TNPO2: variants seen among roughly 807,000 people sequenced by gnomAD.
TNPO2 encodes transportin 2.
TNPO2 carries 16 observed loss-of-function variants against 111.1 expected under a neutral mutation model. That is an observed-to-expected ratio of 0.14 (90% CI 0.10 to 0.22). TNPO2 has a LOEUF of 0.22. TNPO2 is among the 10% of genes least tolerant of loss of function. The pLI, the probability that TNPO2 is intolerant of heterozygous loss-of-function variation, is 1.00. For synonymous variants in TNPO2, 481 were observed against 475.8 expected (o/e 1.01, Z -0.14); for missense variants, 530 against 1,173.7 (o/e 0.45, Z 8.01).
At position 12,701,472 on chromosome 19, in the gene TNPO2, T is replaced by C. The variant is rs1181204888; in HGVS notation, c.2587-19A>G. The C allele has an allele frequency of 1.2e-6, 2 of 1,610,366 alleles. No homozygotes were observed. Among genetic ancestry groups the C allele is most frequent in the Non-Finnish European group, 1.7e-6 (2 of 1,176,910 alleles). On this transcript the variant is annotated intron_variant, in intron 24 of 25. Transcript: ENST00000425528. The surrounding 1 kb of genome is among the most constrained non-coding windows in gnomAD (Gnocchi z 5.0). ...GGAGAATCTGTGGGGAGGGTGGTGG[T>C]GAGGGGTAGGCAGGGGCAGAACAAG...
intron 20 of TNPO2, 87 bp from the exon 21 acceptor site, chr19:12,703,005 C>T: frequency 1.7e-6 from 2 of 1,189,144 alleles, no homozygotes; most frequent in African/African-American, 1.5e-5. Context: ...CTACTCGCCC[C>T]AGTTCCAACT....
In TNPO2 at chr19:12,716,139, G is replaced by A. The variant is rs1244903300; in HGVS notation, c.326-400C>T. Among the ~76,000 whole-genome samples the A allele has an allele frequency of 2.6e-5, 4 of 152,142 alleles. No homozygotes were observed. In the East Asian group the frequency reaches 7.7e-4, roughly 29 times the overall value. On this transcript the variant is annotated intron_variant, in intron 5 of 25. Transcript: ENST00000425528. ...TCCTGCCTTGGCCTCCAAAAGCACT[G>A]AGATTACAGGCGTGAGCCACCGCTC...
At chr19:12,710,040 G>A (rs751838886) in intron 13 of TNPO2, among the ~76,000 whole-genome samples, 5 of 152,136 alleles carry the variant, frequency 3.3e-5, no homozygotes, top group Non-Finnish European at 7.4e-5. Flanking sequence ...GACTCACAAA[G>A]CCCTCCTGTA....
At chr19:12,720,087 G>C (rs1340803088) in intron 3 of TNPO2, among the ~76,000 whole-genome samples, 1 of 151,868 alleles carries the variant, frequency 6.6e-6, no homozygotes, top group African/African-American at 2.4e-5. Flanking sequence ...CACGATCTCC[G>C]CTCACTGCAA....
chr19:12,703,184 CAA>C (rs1491469687), intron 20 of TNPO2: 45 of 588,650 alleles, frequency 7.6e-5, no homozygotes, highest in African/African-American at 6.7e-4. Flanking sequence ...AAAAAAAAGC[CAA>C]AGTCACCCAA....
chr19:12,711,770 G>A (rs550105994), intron 10 of TNPO2, among the ~76,000 whole-genome samples, 157 bp from the exon 11 acceptor site: 1 of 152,196 alleles, frequency 6.6e-6, no homozygotes, highest in East Asian at 1.9e-4. Flanking sequence ...ACTGCTAGGT[G>A]CAAATTGATC....
At chr19:12,720,519 C>G (rs2026622269) in intron 3 of TNPO2, among the ~76,000 whole-genome samples, 1 of 152,084 alleles carries the variant, frequency 6.6e-6, no homozygotes, top group Non-Finnish European at 1.5e-5. Context: ...TGGGGTCTCC[C>G]TATGTTGCCC....
At chr19:12,703,610 GTACGAA>G (rs1482331502) in intron 19 of TNPO2, 84 bp from the exon 20 acceptor site, 3 of 1,569,550 alleles carry the variant, frequency 1.9e-6, no homozygotes, top group Non-Finnish European at 1.8e-6. Context: ...CCATCAGACA[GTACGAA>G]TACATCCCAA....
rs1471509629 is a variant in TNPO2 at position 12,709,546 on chromosome 19, C to T, written c.1270+1075G>A. 5.3e-5 allele frequency among the ~76,000 whole-genome samples: 8 copies of T among 151,892 alleles called. No individual in the cohort carries two copies. In the East Asian group the frequency reaches 7.7e-4, roughly 15 times the overall value. ...TGTTCTCCATGCTGGAACGCAGTGG[C>T]GCAATCATGGCTCACTGCAGCCTTG... On this transcript the variant is annotated intron_variant, in intron 13 of 25. Transcript: ENST00000425528.
At position 12,701,512 on chromosome 19, in the gene TNPO2, T is replaced by C. The variant is rs1568330470; in HGVS notation, c.2587-59A>G. The stretch of plus-strand genomic sequence containing the variant: ...GGCAGAACAAGGGGAGTGCGCCTCT[T>C]CCCCCATCCCCAGGCCCCATTGTTA... On this transcript the variant is annotated intron_variant, in intron 24 of 25. Transcript: ENST00000425528. This position sits in a 1 kb window ranked among gnomAD's most constrained non-coding sequence, Gnocchi z 5.0. 10 of 1,592,870 alleles carry C rather than the reference T, an allele frequency of 6.3e-6. No individual in the cohort carries two copies. The highest frequency in any genetic ancestry group is 7.7e-6 in the Non-Finnish European group (9 of 1,161,440).
At chr19:12,704,151 G>T (rs2025487763) in intron 18 of TNPO2, among the ~76,000 whole-genome samples, 2 of 152,222 alleles carry the variant, frequency 1.3e-5, no homozygotes, top group Admixed American at 1.3e-4. Flanking sequence ...CAGATCACTT[G>T]AGGTCAGGAG....
In TNPO2 at chr19:12,721,078, T is replaced by A; in HGVS notation, c.-13-88A>T. On this transcript the variant is annotated intron_variant, in intron 2 of 25. Transcript: ENST00000425528. This position sits in a 1 kb window ranked among gnomAD's most constrained non-coding sequence, Gnocchi z 4.9. Reference sequence around the variant, plus strand: ...AGCCCCTGAGGCCGCGGTGGCCGCATGACGACGGGAACGCCCTCGGCGGAC... The same window carrying A: ...AGCCCCTGAGGCCGCGGTGGCCGCAAGACGACGGGAACGCCCTCGGCGGAC... 6.5e-6 allele frequency: 10 copies of A among 1,531,134 alleles called. No homozygotes were observed. Among genetic ancestry groups the A allele is most frequent in the East Asian group, 2.5e-5 (1 of 40,376 alleles). 94.8% of individuals were successfully genotyped at this position (1,531,134 alleles called of 1,614,324 possible). A position where few individuals can be genotyped will look rare whatever the true frequency, so the allele number is the denominator to read the frequency against.
intron 13 of TNPO2, among the ~76,000 whole-genome samples, chr19:12,707,857 G>A (rs1423889071): frequency 6.6e-6 from 1 of 151,712 alleles, no homozygotes; most frequent in Non-Finnish European, 1.5e-5. Flanking sequence ...GTCTTGCTCT[G>A]TTGCCCAAGC....
chr19:12,707,341 C>T (rs1353235537), intron 13 of TNPO2, among the ~76,000 whole-genome samples: 1 of 152,108 alleles, frequency 6.6e-6, no homozygotes, highest in East Asian at 1.9e-4. Context: ...TGCATTAATT[C>T]ATGTGTTAAT....
At chr19:12,713,278 G>A (rs2026166063) in intron 10 of TNPO2, among the ~76,000 whole-genome samples, 1 of 152,094 alleles carries the variant, frequency 6.6e-6, no homozygotes, top group Admixed American at 6.6e-5. Context: ...AAGTGACAGA[G>A]CCTTCATCAC....
chr19:12,703,571 G>T, intron 19 of TNPO2, 45 bp from the exon 20 acceptor site: 7 of 1,599,570 alleles, frequency 4.4e-6, no homozygotes, highest in Non-Finnish European at 6.0e-6. Flanking sequence ...GCCAGCCAGG[G>T]TAAGCTGCAG....
chr19:12,711,185 C>T (rs114783433), intron 12 of TNPO2, 111 bp downstream of exon 12: 41 of 1,438,682 alleles, frequency 2.8e-5, no homozygotes, highest in Admixed American at 5.9e-5. Flanking sequence ...TAAGCCACTG[C>T]GCCCGGCCAC....
Position 12,705,114 on chromosome 19 carries a change from T to C in TNPO2, c.2022+126A>G. ...ATCCTGCCTCGGCCTCCAGGATTAC[T>C]CTTTAAAATAATTAGAACAGCACCT... On this transcript the variant is annotated intron_variant, in intron 18 of 25. Transcript: ENST00000425528. The surrounding 1 kb of genome is among the most constrained non-coding windows in gnomAD (Gnocchi z 7.2). 2 of 1,039,186 alleles carry C rather than the reference T, an allele frequency of 1.9e-6. No individual in the cohort carries two copies. The highest frequency in any genetic ancestry group is 2.8e-6 in the Non-Finnish European group (2 of 718,494). The allele number at this position is 1,039,186 out of a possible 1,614,324, so 64.4% of individuals were successfully genotyped here. A position where few individuals can be genotyped will look rare whatever the true frequency, so the allele number is the denominator to read the frequency against.
intron 5 of TNPO2, among the ~76,000 whole-genome samples, chr19:12,718,359 G>A (rs142753591): frequency 3.3e-5 from 5 of 152,276 alleles, no homozygotes; most frequent in Non-Finnish European, 5.9e-5. Flanking sequence ...TAGAGATGGG[G>A]TTTCACCACA....
Sources: gnomAD v4.1 joint callset for allele counts (sites outside exome capture counted in the v4.1 genomes callset) on GRCh38, gnomAD v4.1.1 for gene constraint, Gnocchi (gnomAD v3.1) non-coding constraint, MANE v1.5 for transcripts, NCBI Gene and HGNC (gene_info 2026-07-23, HGNC 2026-07-21) for gene names.